FOXP2: variants seen among roughly 807,000 people sequenced by gnomAD.
FOXP2 encodes forkhead box P2, also known as forkhead box protein P2.
In FOXP2, 12 loss-of-function variants were observed where a neutral mutation model predicts 115.8. The observed-to-expected ratio is 0.10, with a 90% CI of 0.07 to 0.17. FOXP2 has a LOEUF of 0.17. Among genes scored for constraint, FOXP2 ranks in the 10% least tolerant of loss-of-function variants. FOXP2 has a pLI of 1.00. For missense variants in FOXP2, 629 were observed against 843.5 expected, an observed-to-expected ratio of 0.75 and a Z score of 3.15; for synonymous variants, 328 against 297.7, an observed-to-expected ratio of 1.10 and a Z score of -1.05.
chr7:114,491,925 T>A, intron 2 of FOXP2, among the ~76,000 whole-genome samples: 1 of 152,200 alleles, frequency 6.6e-6, no homozygotes, highest in East Asian at 1.9e-4. Context: ...GCTGCCCTCA[T>A]AAAATGAGTT....
At chr7:114,344,060 T>G (rs1791278542) in intron 2 of FOXP2, among the ~76,000 whole-genome samples, 1 of 134,244 alleles carries the variant, frequency 7.4e-6, no homozygotes, top group East Asian at 2.6e-4. Flanking sequence ...CCTTCATTGA[T>G]ACATGCCTAG....
chr7:114,329,194 A>G (rs1260000283), intron 2 of FOXP2, among the ~76,000 whole-genome samples: 1 of 152,120 alleles, frequency 6.6e-6, no homozygotes, highest in Non-Finnish European at 1.5e-5. Context: ...TGATGAATAA[A>G]TAAAAGCATT....
intron 1 of FOXP2, among the ~76,000 whole-genome samples, chr7:114,130,435 C>T (rs1233063754): frequency 2.0e-5 from 3 of 152,256 alleles, no homozygotes; most frequent in East Asian, 1.9e-4. Flanking sequence ...TCATTTTCCT[C>T]ATTATTTGTG....
chr7:114,629,612 G>A, intron 4 of FOXP2, 193 bp from the exon 5 acceptor site: 1 of 1,565,348 alleles, frequency 6.4e-7, no homozygotes, highest in South Asian at 1.1e-5. Flanking sequence ...ATTCTGGATT[G>A]GAAAATTTCA....
At chr7:114,500,640 G>C (rs1296031348) in intron 2 of FOXP2, among the ~76,000 whole-genome samples, 1 of 152,156 alleles carries the variant, frequency 6.6e-6, no homozygotes, top group Non-Finnish European at 1.5e-5. Context: ...TGAGGGATTA[G>C]ATGAATAAGT....
chr7:114,366,175 A>G lies in FOXP2; in HGVS notation c.-10-60327A>G, dbSNP rs911209391. Among the ~76,000 whole-genome samples, 111 of 152,148 alleles carry G rather than the reference A, an allele frequency of 7.3e-4. 1 individual carries two copies. Among genetic ancestry groups the G allele is most frequent in the Non-Finnish European group, 2.5e-4 (17 of 68,026 alleles). ...CTTGAGGTGTTTATGTCCTTTGAGAAGTCTGTGTGGATTTGGTCTATAGCC... is the reference window on the plus strand; with the variant it reads ...CTTGAGGTGTTTATGTCCTTTGAGAGGTCTGTGTGGATTTGGTCTATAGCC... On this transcript the variant is annotated intron_variant, in intron 2 of 17. Coordinates refer to the FOXP2 transcript ENST00000634411.
chr7:114,351,424 A>C (rs1562882646), intron 2 of FOXP2, among the ~76,000 whole-genome samples: 1 of 152,152 alleles, frequency 6.6e-6, no homozygotes, highest in African/African-American at 2.4e-5. Context: ...CTATTATATA[A>C]TATTCTTTGA....
intron 2 of FOXP2, among the ~76,000 whole-genome samples, chr7:114,341,384 T>C (rs1312311949): frequency 6.6e-6 from 1 of 151,222 alleles, no homozygotes; most frequent in Non-Finnish European, 1.5e-5. Flanking sequence ...ATAGTATGTT[T>C]GGGAACAATC....
chr7:114,659,917 A>G (rs772388981), intron 13 of FOXP2, among the ~76,000 whole-genome samples: 1 of 152,162 alleles, frequency 6.6e-6, no homozygotes, highest in Non-Finnish European at 1.5e-5. Flanking sequence ...GGCCTGACAC[A>G]CTAATTACAG....
At chr7:114,526,943 G>A (rs1373510794) in intron 2 of FOXP2, among the ~76,000 whole-genome samples, 1 of 150,084 alleles carries the variant, frequency 6.7e-6, no homozygotes, top group Non-Finnish European at 1.5e-5. Context: ...CTCATTAGCA[G>A]TCACTTTCCA....
chr7:114,339,022 T>A (rs1791129003), intron 2 of FOXP2, among the ~76,000 whole-genome samples: 1 of 151,072 alleles, frequency 6.6e-6, no homozygotes, highest in Admixed American at 6.6e-5. Flanking sequence ...TCCAGATGTT[T>A]TATGTAGTTC....
chr7:114,658,141 A>G lies in FOXP2; in HGVS notation c.1342A>G (p.Thr448Ala), dbSNP rs1563064499. 1 of 1,613,812 alleles carries G rather than the reference A, an allele frequency of 6.2e-7. No homozygotes were observed. Among genetic ancestry groups the G allele is most frequent in the East Asian group, 2.2e-5 (1 of 44,872 alleles). Residue 448 changes from threonine (T) to alanine (A), a missense_variant, in exon 11 of 17, where the codon ACC becomes GCC. Coordinates refer to ENST00000350908, the MANE Select transcript of FOXP2 (RefSeq NM_014491.4). ...CCCACAGAGCTTACCTCAAACCCCTACCACACCAACGGCCCCAGTCACCCC... is the reference window on the plus strand; with the variant it reads ...CCCACAGAGCTTACCTCAAACCCCTGCCACACCAACGGCCCCAGTCACCCC... ...TSPQSLPQTP[T>A]TPTAPVTPIT... is the part of the protein sequence containing the mutation.
In FOXP2 at chr7:114,607,919, T is replaced by A. The variant is rs183802084; in HGVS notation, c.259-20621T>A. Among the ~76,000 whole-genome samples, 694 of 152,346 alleles carry A rather than the reference T, an allele frequency of 4.6e-3. 7 individuals carry two copies. Among genetic ancestry groups the A allele is most frequent in the African/African-American group, 0.015 (643 of 41,590 alleles). On this transcript the variant is annotated intron_variant, in intron 3 of 16. Coordinates refer to ENST00000350908, the MANE Select transcript of FOXP2 (RefSeq NM_014491.4). ...GGCTAATTTCTTATAATTTTACAAT[T>A]TTTTATCAATTATACAGGTGGGGGA...
chr7:114,550,307 G>C (rs1406297562), intron 3 of FOXP2, among the ~76,000 whole-genome samples: 1 of 151,722 alleles, frequency 6.6e-6, no homozygotes, highest in African/African-American at 2.4e-5. Context: ...TAGTAGAGAC[G>C]GGGTTTCACC....
chr7:114,229,895 A>G (rs1794832114), intron 1 of FOXP2, among the ~76,000 whole-genome samples: 1 of 151,820 alleles, frequency 6.6e-6, no homozygotes, highest in South Asian at 2.1e-4. Context: ...CATGAAGGTT[A>G]CAGCAGAAAT....
intron 1 of FOXP2, among the ~76,000 whole-genome samples, chr7:114,251,615 C>G (rs973586711): frequency 6.6e-6 from 1 of 152,138 alleles, no homozygotes; most frequent in Non-Finnish European, 1.5e-5. Flanking sequence ...TATAAGAATG[C>G]TTGTGATTTT....
intron 3 of FOXP2, among the ~76,000 whole-genome samples, chr7:114,584,230 A>T (rs1473682728): frequency 6.6e-6 from 1 of 152,028 alleles, no homozygotes; most frequent in Non-Finnish European, 1.5e-5. Context: ...TTATTACTCC[A>T]CTACAAACAT....
intron 2 of FOXP2, among the ~76,000 whole-genome samples, chr7:114,379,365 G>A (rs1792222914): frequency 6.6e-6 from 1 of 152,136 alleles, no homozygotes; most frequent in African/African-American, 2.4e-5. Flanking sequence ...TCCCAGCTAG[G>A]CTTAGGGATT....
intron 3 of FOXP2, among the ~76,000 whole-genome samples, chr7:114,535,144 A>C (rs1218478777): frequency 6.6e-6 from 1 of 151,744 alleles, no homozygotes; most frequent in Non-Finnish European, 1.5e-5. Flanking sequence ...TGCCAAAAAA[A>C]CTGTTTGAGT....
Sources: allele counts gnomAD v4.1 joint callset (sites outside exome capture counted in the v4.1 genomes callset), GRCh38; gene constraint gnomAD v4.1.1; transcripts MANE v1.5; gene names NCBI Gene and HGNC (gene_info 2026-07-23, HGNC 2026-07-21).